The following CSMD1 variants were observed in gnomAD, a reference collection of about 807,000 sequenced individuals.
CSMD1 encodes the protein CUB and sushi domain-containing protein 1.
CSMD1 carries 213 observed loss-of-function variants against 417.5 expected under a neutral mutation model. The ratio of observed to expected loss-of-function variants is 0.51; its 90% confidence interval spans 0.46 to 0.57. CSMD1 has a LOEUF of 0.57. CSMD1 is among the 20% of genes least tolerant of loss of function. CSMD1 has a pLI of 0.00. For missense variants in CSMD1, 6,923 were observed against 4,529.7 expected (o/e 1.53, Z -15.17); for synonymous variants, 2,862 against 1,736.8 (o/e 1.65, Z -16.11).
chr8:4,552,469 C>G (rs1797916537), intron 2 of CSMD1, among the ~76,000 whole-genome samples: 1 of 152,018 alleles, frequency 6.6e-6, no homozygotes, highest in African/African-American at 2.4e-5. Flanking sequence ...GTACCAAGAA[C>G]AGATTTATTG....
chr8:4,039,499 C>G (rs1404504381), intron 3 of CSMD1, among the ~76,000 whole-genome samples: 2 of 152,246 alleles, frequency 1.3e-5, no homozygotes, highest in South Asian at 2.1e-4. Flanking sequence ...GCGAGCCAAT[C>G]TGTAAAAGGA....
intron 3 of CSMD1, among the ~76,000 whole-genome samples, chr8:4,145,062 A>G (rs1804027486): frequency 6.6e-6 from 1 of 151,230 alleles, no homozygotes; most frequent in Admixed American, 6.6e-5. Flanking sequence ...AAATGTTTCT[A>G]AAATACAAAG....
At chr8:4,804,533 G>C (rs963980621) in intron 1 of CSMD1, among the ~76,000 whole-genome samples, 5 of 151,610 alleles carry the variant, frequency 3.3e-5, no homozygotes, top group Admixed American at 2.6e-4. Context: ...GGACGTGAGA[G>C]AGAGAGAGAG....
chr8:4,915,089 T>G (rs1382874504), intron 1 of CSMD1, among the ~76,000 whole-genome samples: 3 of 152,166 alleles, frequency 2.0e-5, no homozygotes, highest in Non-Finnish European at 4.4e-5. Context: ...TCAGATGTAA[T>G]ATGGTCAGGC....
chr8:3,083,169 T>A (rs2897380), intron 49 of CSMD1, among the ~76,000 whole-genome samples: 79,250 of 151,910 alleles, frequency 0.52, 21,014 homozygotes, highest in African/African-American at 0.57. Context: ...CGATTCTTCC[T>A]TATATATTAA....
intron 6 of CSMD1, among the ~76,000 whole-genome samples, chr8:3,713,989 C>T (rs1801673611): frequency 6.6e-6 from 1 of 151,622 alleles, no homozygotes; most frequent in South Asian, 2.1e-4. Flanking sequence ...ATATTGAAAT[C>T]TTTGTAAATC....
At chr8:4,986,057 G>A (rs554531509) in intron 1 of CSMD1, among the ~76,000 whole-genome samples, 68 of 152,264 alleles carry the variant, frequency 4.5e-4, no homozygotes, top group South Asian at 4.1e-3. Flanking sequence ...ATACATCAAA[G>A]TACACTACTT....
chr8:3,685,184 A>G (rs1161362208), intron 7 of CSMD1, among the ~76,000 whole-genome samples: 1 of 152,190 alleles, frequency 6.6e-6, no homozygotes, highest in African/African-American at 2.4e-5. Flanking sequence ...ATAAAATCAA[A>G]TCCAAAGTTG....
intron 1 of CSMD1, among the ~76,000 whole-genome samples, chr8:4,893,227 CTTCTT>C (rs1205009379): frequency 2.0e-5 from 3 of 152,032 alleles, no homozygotes; most frequent in Admixed American, 6.6e-5. Context: ...ATCTGAATTT[CTTCTT>C]TTAATTGCCT....
At chr8:3,824,686 A>G (rs992419268) in intron 5 of CSMD1, among the ~76,000 whole-genome samples, 4 of 152,212 alleles carry the variant, frequency 2.6e-5, no homozygotes, top group African/African-American at 9.6e-5. Flanking sequence ...GTATATTAAT[A>G]TTAATTTTAC....
chr8:4,429,801 C>T lies in CSMD1; in HGVS notation c.303-9736G>A. Among the ~76,000 whole-genome samples the T allele has an allele frequency of 1.3e-5, 2 of 152,140 alleles. 1 individual carries two copies. Among genetic ancestry groups the T allele is most frequent in the Non-Finnish European group, 2.9e-5 (2 of 68,032 alleles). On this transcript the variant is annotated intron_variant, in intron 2 of 69. Coordinates refer to ENST00000635120, the MANE Select transcript of CSMD1 (RefSeq NM_033225.6). The stretch of plus-strand genomic sequence containing the variant: ...ATTTGTTGAAATATACCGGCAATCC[C>T]CTCCCATCATACCCAGGATCTCATT...
At chr8:3,785,728 G>C (rs1487315407) in intron 5 of CSMD1, among the ~76,000 whole-genome samples, 3 of 152,128 alleles carry the variant, frequency 2.0e-5, no homozygotes, top group African/African-American at 4.8e-5. Context: ...GAGAGGCCCA[G>C]GGTGCGGGGA....
intron 3 of CSMD1, among the ~76,000 whole-genome samples, chr8:4,167,847 G>A (rs1448439592): frequency 6.6e-6 from 1 of 152,070 alleles, no homozygotes; most frequent in African/African-American, 2.4e-5. Flanking sequence ...ATATAAAAAG[G>A]CCAGACATGA....
At position 4,690,798 on chromosome 8, in the gene CSMD1, G is replaced by A. The variant is rs893195463; in HGVS notation, c.86-53240C>T. 5.9e-5 allele frequency among the ~76,000 whole-genome samples: 9 copies of A among 152,122 alleles called. No homozygotes were observed. The South Asian group carries it at 8.3e-4, about 14-fold the overall frequency. ...GGCTGGAGTTCACTGGTGCGATCTC[G>A]GCTCACTGCAACCTCTTCCTGCCGG... On this transcript the variant is annotated intron_variant, in intron 1 of 69. Transcript: ENST00000635120.
chr8:3,007,364 G>C (rs538287647), intron 52 of CSMD1, among the ~76,000 whole-genome samples: 2 of 151,960 alleles, frequency 1.3e-5, no homozygotes, highest in Non-Finnish European at 2.9e-5. Context: ...TCAGTGTGGC[G>C]ATTCCTCAGG....
intron 3 of CSMD1, among the ~76,000 whole-genome samples, chr8:4,405,381 C>A (rs967088088): frequency 2.0e-4 from 30 of 151,836 alleles, no homozygotes; most frequent in African/African-American, 7.0e-4. Flanking sequence ...CTGGCACAAA[C>A]TACTTGTTAC....
At chr8:4,261,961 T>A (rs1015005328) in intron 3 of CSMD1, among the ~76,000 whole-genome samples, 8 of 152,144 alleles carry the variant, frequency 5.3e-5, no homozygotes, top group Non-Finnish European at 1.2e-4. Context: ...AGAAAAAAAA[T>A]TAAAACCTGA....
chr8:4,201,314 G>A (rs755027054), intron 3 of CSMD1, among the ~76,000 whole-genome samples: 2 of 151,970 alleles, frequency 1.3e-5, no homozygotes, highest in Non-Finnish European at 2.9e-5. Context: ...CGAGGCGGGC[G>A]GATCACGAGG....
intron 3 of CSMD1, among the ~76,000 whole-genome samples, chr8:4,375,385 CAG>C (rs954891799): frequency 3.9e-4 from 60 of 152,122 alleles, no homozygotes; most frequent in Non-Finnish European, 1.0e-4. Flanking sequence ...GAGAGGAAAA[CAG>C]GGCATTATAT....
Sources: allele counts gnomAD v4.1 joint callset (sites outside exome capture counted in the v4.1 genomes callset), GRCh38; gene constraint gnomAD v4.1.1; transcripts MANE v1.5; gene names NCBI Gene and HGNC (gene_info 2026-07-23, HGNC 2026-07-21).